PDXDC1: variants seen among roughly 807,000 people sequenced by gnomAD.
PDXDC1 encodes the protein pyridoxal dependent decarboxylase domain containing 1, also known as pyridoxal-dependent decarboxylase domain-containing protein 1.
A neutral mutation model predicts 100.1 loss-of-function variants in PDXDC1; 42 were observed. The ratio of observed to expected loss-of-function variants is 0.42; its 90% confidence interval spans 0.33 to 0.54. The LOEUF is 0.54. PDXDC1 is among the 20% of genes least tolerant of loss of function. The pLI, the probability that PDXDC1 is intolerant of heterozygous loss-of-function variation, is 0.10. For missense variants in PDXDC1, 636 were observed against 979.2 expected (o/e 0.65, Z 4.68); for synonymous variants, 260 against 371.7 (o/e 0.70, Z 3.46).
At chr16:15,017,792 C>CT (rs1245561796) in intron 11 of PDXDC1, among the ~76,000 whole-genome samples, 1,433 of 146,140 alleles carry the variant, frequency 9.8e-3, no homozygotes, top group African/African-American at 0.019. Flanking sequence ...TAGGTTTTAA[C>CT]TTTTTTTTTT....
chr16:15,072,430 C>T (rs1350213725), intron 16 of PDXDC1, among the ~76,000 whole-genome samples: 1 of 152,072 alleles, frequency 6.6e-6, no homozygotes, highest in Non-Finnish European at 1.5e-5. Flanking sequence ...CACCTAGTGA[C>T]CAAAAGGCAG....
intron 8 of PDXDC1, chr16:15,015,875 G>C: frequency 4.7e-6 from 4 of 849,962 alleles, no homozygotes; most frequent in Non-Finnish European, 6.9e-6. Context: ...AGATCAAGTA[G>C]ATAGAAAATA....
chr16:15,095,519 G>A (rs1358454845), intron 16 of PDXDC1, among the ~76,000 whole-genome samples: 22 of 152,154 alleles, frequency 1.4e-4, no homozygotes, highest in Non-Finnish European at 2.6e-4. Flanking sequence ...GCAACAGAGT[G>A]AGACCCTGTC....
At chr16:15,069,103 C>T (rs1567192729) in intron 16 of PDXDC1, among the ~76,000 whole-genome samples, 2 of 152,160 alleles carry the variant, frequency 1.3e-5, no homozygotes, top group African/African-American at 4.8e-5. Context: ...TGTAGGTAAA[C>T]ATATATAATG....
chr16:15,034,508 C>CCGG lies in PDXDC1; in HGVS notation c.1958_1960dup (p.Pro653_Val654insAla). On this transcript the variant is annotated inframe_insertion, in exon 21 of 23. Coordinates refer to ENST00000396410, the MANE Select transcript of PDXDC1 (RefSeq NM_015027.4). The stretch of plus-strand genomic sequence containing the variant: ...GGGCTCCGTGCTGAATTGGTTTTCT[C>CCGG]CGGTCCAGGCTTTACAGAAGGGAAG... 1 of 1,614,132 alleles carries CCGG rather than the reference C, an allele frequency of 6.2e-7. No homozygotes were observed. Among genetic ancestry groups the CCGG allele is most frequent in the Non-Finnish European group, 8.5e-7 (1 of 1,180,012 alleles).
Position 15,127,871 on chromosome 16 carries a change from G to A in PDXDC1, c.1400-11008G>A, listed in dbSNP as rs541565995. On this transcript the variant is annotated intron_variant, in intron 16 of 16. Transcript: ENST00000535621. Reference sequence around the variant, plus strand: ...CACTGCAGCTCAGCCACCAGCAGGCGCCGGAAGCGCAACAGGGCTGCGTGA... The same window carrying A: ...CACTGCAGCTCAGCCACCAGCAGGCACCGGAAGCGCAACAGGGCTGCGTGA... The A allele has an allele frequency of 3.7e-5, 58 of 1,560,510 alleles. No homozygotes were observed. The East Asian group carries it at 1.0e-3, about 28-fold the overall frequency.
chr16:15,039,316 C>T (rs2043701048), downstream of PDXDC1, among the ~76,000 whole-genome samples: 1 of 152,212 alleles, frequency 6.6e-6, no homozygotes, highest in Admixed American at 6.5e-5. Flanking sequence ...CGAATCCAAA[C>T]ACATTTCCCA....
At chr16:15,095,027 G>C (rs1021058184) in intron 16 of PDXDC1, among the ~76,000 whole-genome samples, 6 of 151,890 alleles carry the variant, frequency 4.0e-5, no homozygotes, top group Admixed American at 1.3e-4. Context: ...TAGTGGAGAC[G>C]GGGTTGCACT....
chr16:15,050,958 G>C (rs1319684883), intron 16 of PDXDC1, among the ~76,000 whole-genome samples: 1 of 152,232 alleles, frequency 6.6e-6, no homozygotes, highest in African/African-American at 2.4e-5. Flanking sequence ...CCAGAAGTCA[G>C]TGAGAAACAG....
intron 16 of PDXDC1, among the ~76,000 whole-genome samples, chr16:15,075,895 G>T (rs531353964): frequency 6.6e-6 from 1 of 152,212 alleles, no homozygotes; most frequent in East Asian, 1.9e-4. Context: ...CTCCAGAGCT[G>T]CCCTGAGCAG....
chr16:15,074,406 GCACCCTA>G (rs1323549413), intron 16 of PDXDC1, among the ~76,000 whole-genome samples: 5 of 152,164 alleles, frequency 3.3e-5, no homozygotes, highest in African/African-American at 1.2e-4. Flanking sequence ...ATATATTAGT[GCACCCTA>G]CATCATTCTT....
At chr16:15,057,453 AAGT>A (rs1358466223) in intron 16 of PDXDC1, among the ~76,000 whole-genome samples, 1 of 151,968 alleles carries the variant, frequency 6.6e-6, no homozygotes, top group Non-Finnish European at 1.5e-5. Flanking sequence ...TGGTAGAAAT[AAGT>A]AGTAGAACGA....
At chr16:15,086,542 G>T in intron 16 of PDXDC1, 2 of 1,563,292 alleles carry the variant, frequency 1.3e-6, no homozygotes, top group Non-Finnish European at 1.7e-6. Flanking sequence ...CATTTATCAA[G>T]AATAGGTTGG....
intron 16 of PDXDC1, among the ~76,000 whole-genome samples, chr16:15,071,485 G>A (rs1339151056): frequency 6.6e-6 from 1 of 152,118 alleles, no homozygotes; most frequent in African/African-American, 2.4e-5. Context: ...AATCAACCCG[G>A]GGCCAGGCAC....
chr16:15,132,709 G>A (rs2048165402), intron 16 of PDXDC1: 1 of 939,440 alleles, frequency 1.1e-6, no homozygotes, highest in East Asian at 2.5e-5. Context: ...TGAGCATGTG[G>A]GGCCATCCTA....
Position 15,033,311 on chromosome 16 carries a change from A to G in PDXDC1, c.1724A>G (p.Tyr575Cys). The G allele has an allele frequency of 6.2e-7, 1 of 1,614,158 alleles. No homozygotes were observed. Among genetic ancestry groups the G allele is most frequent in the Non-Finnish European group, 8.5e-7 (1 of 1,180,000 alleles). The change falls in exon 19 of 23, where the codon TAT becomes TGT. Residue 575 changes from tyrosine (Y) to cysteine (C), a missense_variant. Tyr to Cys is a radical substitution (Grantham distance 194). Transcript: ENST00000396410. ...PEYKSMKSCL[Y>C]VGMASDNVDA... is the part of the protein sequence containing the mutation. ...TATAAGAGCATGAAGAGCTGCCTTT[A>G]TGTCGGCATGGCGAGCGACAACGTC...
intron 16 of PDXDC1, among the ~76,000 whole-genome samples, chr16:15,050,245 TACA>T (rs1365555847): frequency 6.6e-6 from 1 of 152,226 alleles, no homozygotes; most frequent in Non-Finnish European, 1.5e-5. Flanking sequence ...ATTAAATTGA[TACA>T]ACACTACAAT....
chr16:15,007,496 C>A (rs1374512388), intron 6 of PDXDC1, among the ~76,000 whole-genome samples: 2 of 152,384 alleles, frequency 1.3e-5, no homozygotes, highest in East Asian at 3.9e-4. Flanking sequence ...TTTTAAAGTT[C>A]ATGGTGCTTC....
intron 1 of PDXDC1, 50 bp downstream of exon 1, chr16:14,975,270 C>G (rs367579935): frequency 7.3e-7 from 1 of 1,379,282 alleles, no homozygotes; most frequent in East Asian, 3.0e-5. Flanking sequence ...CCGGGGCTCC[C>G]GCTTCCGAGG....
Sources: allele counts gnomAD v4.1 joint callset (sites outside exome capture counted in the v4.1 genomes callset), GRCh38; gene constraint gnomAD v4.1.1; transcripts MANE v1.5; gene names NCBI Gene and HGNC (gene_info 2026-07-23, HGNC 2026-07-21).